Variants in SMOC2 observed in about 807,000 individuals in gnomAD.
SMOC2 encodes the protein SPARC related modular calcium binding 2, also known as SPARC-related modular calcium-binding protein 2.
A neutral mutation model predicts 61.4 loss-of-function variants in SMOC2; 39 were observed. The observed-to-expected ratio is 0.64, with a 90% CI of 0.49 to 0.83. The LOEUF (loss-of-function observed/expected upper bound fraction) is 0.83. Ranked by LOEUF, SMOC2 falls within the 40% of genes least tolerant of loss-of-function variation. The probability of loss-of-function intolerance (pLI) is 0.00; values close to 1 mark genes in which losing one functional copy is unlikely to be tolerated. For missense variants in SMOC2, 556 were observed against 592.9 expected (o/e 0.94, Z 0.65); for synonymous variants, 247 against 239.9 (o/e 1.03, Z -0.27).
intron 7 of SMOC2, among the ~76,000 whole-genome samples, chr6:168,550,777 T>A (rs1479743605): frequency 1.3e-5 from 2 of 152,114 alleles, no homozygotes; most frequent in African/African-American, 4.8e-5. Context: ...TATAGATGAG[T>A]TTTTCCTATT....
intron 9 of SMOC2, among the ~76,000 whole-genome samples, chr6:168,643,414 C>T (rs1340961125): frequency 1.3e-5 from 2 of 152,190 alleles, no homozygotes; most frequent in Non-Finnish European, 2.9e-5. Flanking sequence ...CCCCACTCGA[C>T]ACACCCTGGT....
At chr6:168,612,544 A>T (rs1785907009) in intron 9 of SMOC2, among the ~76,000 whole-genome samples, 1 of 150,164 alleles carries the variant, frequency 6.7e-6, no homozygotes, top group Non-Finnish European at 1.5e-5. Flanking sequence ...CCTTTACTCA[A>T]ACAGCAGCGC....
intron 1 of SMOC2, among the ~76,000 whole-genome samples, chr6:168,491,537 C>T (rs1782471648): frequency 6.6e-6 from 1 of 152,136 alleles, no homozygotes; most frequent in South Asian, 2.1e-4. Context: ...GCTGTAAGAT[C>T]CTCCTGGGCA....
chr6:168,658,657 C>A (rs370853789), intron 11 of SMOC2, among the ~76,000 whole-genome samples: 11 of 152,238 alleles, frequency 7.2e-5, no homozygotes, highest in Admixed American at 5.2e-4. Context: ...TGGATGAGTT[C>A]CAGCAATTGG....
intron 1 of SMOC2, among the ~76,000 whole-genome samples, chr6:168,484,266 T>G (rs1459617967): frequency 6.6e-6 from 1 of 152,060 alleles, no homozygotes; most frequent in Admixed American, 6.6e-5. Context: ...ATGTTTAACT[T>G]ATGCAAAGGA....
chr6:168,542,452 G>C (rs146363484), intron 4 of SMOC2, among the ~76,000 whole-genome samples: 1 of 152,152 alleles, frequency 6.6e-6, no homozygotes, highest in African/African-American at 2.4e-5. Flanking sequence ...ATTCCCAAAC[G>C]CATATTATTT....
intron 1 of SMOC2, among the ~76,000 whole-genome samples, chr6:168,477,588 C>T (rs201159590): frequency 6.1e-4 from 93 of 152,252 alleles, no homozygotes; most frequent in East Asian, 1.7e-3. Context: ...AAGTCCTAAA[C>T]GGAAAATGAT....
At chr6:168,635,207 A>G (rs1786682366) in intron 9 of SMOC2, among the ~76,000 whole-genome samples, 1 of 152,166 alleles carries the variant, frequency 6.6e-6, no homozygotes, top group Non-Finnish European at 1.5e-5. Flanking sequence ...TGTGGTTCCT[A>G]CTCTAGGTGA....
intron 1 of SMOC2, among the ~76,000 whole-genome samples, chr6:168,485,216 C>A (rs1290903241): frequency 6.6e-6 from 1 of 151,824 alleles, no homozygotes; most frequent in Non-Finnish European, 1.5e-5. Context: ...TATGGAAAAA[C>A]CCTCATATAG....
intron 7 of SMOC2, among the ~76,000 whole-genome samples, chr6:168,560,451 T>C (rs935587513): frequency 2.0e-4 from 30 of 152,216 alleles, no homozygotes; most frequent in Non-Finnish European, 3.2e-4. Context: ...TAAAACTCTT[T>C]CAATAACTGA....
intron 2 of SMOC2, among the ~76,000 whole-genome samples, chr6:168,526,126 G>T (rs1783446928): frequency 6.6e-6 from 1 of 152,214 alleles, no homozygotes; most frequent in Non-Finnish European, 1.5e-5. Flanking sequence ...TCCCGCCCCT[G>T]GGCCTCGCAT....
At chr6:168,619,540 G>A (rs1334988491) in intron 9 of SMOC2, among the ~76,000 whole-genome samples, 5 of 152,064 alleles carry the variant, frequency 3.3e-5, no homozygotes, top group Non-Finnish European at 2.9e-5. Context: ...TTCCAAGTAC[G>A]GTATACACTT....
chr6:168,520,883 A>G (rs1173513225), intron 2 of SMOC2, among the ~76,000 whole-genome samples: 1 of 152,172 alleles, frequency 6.6e-6, no homozygotes, highest in Non-Finnish European at 1.5e-5. Context: ...TGTGAAGATC[A>G]CTGTTTCTTG....
intron 7 of SMOC2, among the ~76,000 whole-genome samples, chr6:168,598,607 C>G (rs966267027): frequency 6.6e-6 from 1 of 152,168 alleles, no homozygotes; most frequent in African/African-American, 2.4e-5. Flanking sequence ...GTTGAGAGAT[C>G]CGTGATCACA....
Position 168,481,452 on chromosome 6 carries a change from T to C in SMOC2, c.85-28463T>C, listed in dbSNP as rs144923291. Among the ~76,000 whole-genome samples, 406 of 152,182 alleles carry C rather than the reference T, an allele frequency of 2.7e-3. 3 individuals are homozygous for C. The highest frequency in any genetic ancestry group is 9.4e-3 in the African/African-American group (389 of 41,562). On this transcript the variant is annotated intron_variant, in intron 1 of 12. Coordinates refer to ENST00000356284, the MANE Select transcript of SMOC2 (RefSeq NM_001166412.2). Reference sequence around the variant, plus strand: ...CTGGTATAAATTTAAATAAAAATGTTCTTATTTTAGGATGTAAAATATAAT... The same window carrying C: ...CTGGTATAAATTTAAATAAAAATGTCCTTATTTTAGGATGTAAAATATAAT...
At chr6:168,614,883 CA>C (rs1786018676) in intron 9 of SMOC2, among the ~76,000 whole-genome samples, 1 of 11,338 alleles carries the variant, frequency 8.8e-5, no homozygotes, top group Admixed American at 8.5e-4. Flanking sequence ...ACAGCCAGCA[CA>C]GGGGACCTCT....
At chr6:168,650,886 T>A in intron 10 of SMOC2, 103 bp downstream of exon 10, 1 of 1,078,644 alleles carries the variant, frequency 9.3e-7, no homozygotes, top group East Asian at 2.6e-5. Context: ...TCAGCTTATT[T>A]GGACACAGTA....
At chr6:168,606,927 A>G (rs1420195528) in intron 8 of SMOC2, among the ~76,000 whole-genome samples, 1 of 152,038 alleles carries the variant, frequency 6.6e-6, no homozygotes, top group Non-Finnish European at 1.5e-5. Flanking sequence ...CCTGACACTC[A>G]TGGATGGGAG....
chr6:168,598,741 T>C, intron 7 of SMOC2, 77 bp from the exon 8 acceptor site: 1 of 1,519,146 alleles, frequency 6.6e-7, no homozygotes, highest in Non-Finnish European at 9.0e-7. Context: ...GGCAGTTCTC[T>C]GTGGCCTCCC....
Sources: gnomAD v4.1 joint callset for allele counts (sites outside exome capture counted in the v4.1 genomes callset) on GRCh38, gnomAD v4.1.1 for gene constraint, MANE v1.5 for transcripts, NCBI Gene and HGNC (gene_info 2026-07-23, HGNC 2026-07-21) for gene names.